PDE4D: variants seen among roughly 807,000 people sequenced by gnomAD.
PDE4D encodes the protein 3',5'-cyclic-AMP phosphodiesterase 4D.
In PDE4D, 24 loss-of-function variants were observed where a neutral mutation model predicts 87.4. That is an observed-to-expected ratio of 0.27 (90% CI 0.20 to 0.39). The LOEUF (loss-of-function observed/expected upper bound fraction) is 0.39, where lower values mean the gene tolerates loss of function less well. Ranked by LOEUF, PDE4D falls within the 10% of genes least tolerant of loss-of-function variation. PDE4D has a pLI of 1.00. For synonymous variants in PDE4D, 384 were observed against 383.2 expected (o/e 1.00, Z -0.02); for missense variants, 714 against 1,041.0 (o/e 0.69, Z 4.32).
intron 1 of PDE4D, among the ~76,000 whole-genome samples, chr5:59,372,037 G>T (rs138176431): frequency 2.0e-5 from 3 of 152,194 alleles, no homozygotes; most frequent in Admixed American, 2.0e-4. Context: ...CAGACTCCAG[G>T]GAAATTTCAT....
chr5:59,214,215 G>A (rs546745931), intron 2 of PDE4D, among the ~76,000 whole-genome samples: 8 of 152,022 alleles, frequency 5.3e-5, no homozygotes, highest in Admixed American at 1.3e-4. Context: ...TAGTGACTTC[G>A]CTATGCAATC....
rs1562203304 is a variant in PDE4D, at chr5:60,192,220, TA to T, written c.-89-6534del. Among the ~76,000 whole-genome samples, 3 of 152,132 alleles carry T rather than the reference TA, an allele frequency of 2.0e-5. No homozygotes were observed. The South Asian group carries it at 6.2e-4, about 31-fold the overall frequency. ...GGGGTATATTCAATCTCACTATTAA[TA>T]AAATGAAAATTAAAATCTCAAGATT... On this transcript the variant is annotated intron_variant, in intron 1 of 16. Coordinates refer to the PDE4D transcript ENST00000502484.
At chr5:60,341,203 A>C (rs1209734230) in intron 1 of PDE4D, among the ~76,000 whole-genome samples, 1 of 152,208 alleles carries the variant, frequency 6.6e-6, no homozygotes, top group East Asian at 1.9e-4. Flanking sequence ...CTAGAGCCAC[A>C]GAGATCATTA....
At chr5:59,682,000 C>G (rs546534052) in intron 1 of PDE4D, among the ~76,000 whole-genome samples, 1 of 152,020 alleles carries the variant, frequency 6.6e-6, no homozygotes, top group African/African-American at 2.4e-5. Context: ...AAAAGGACTG[C>G]ACCAGATGCA....
intron 2 of PDE4D, among the ~76,000 whole-genome samples, chr5:60,116,211 C>T (rs1442161913): frequency 6.6e-6 from 1 of 152,094 alleles, no homozygotes; most frequent in Non-Finnish European, 1.5e-5. Flanking sequence ...ACAGAATCCA[C>T]AGTCTCTCTT....
chr5:59,121,240 C>A (rs1248402692), intron 5 of PDE4D, among the ~76,000 whole-genome samples: 1 of 152,056 alleles, frequency 6.6e-6, no homozygotes, highest in Non-Finnish European at 1.5e-5. Flanking sequence ...CACAGCAAAG[C>A]AAACAATCAA....
chr5:59,118,443 C>T (rs1343225683), intron 5 of PDE4D, among the ~76,000 whole-genome samples: 1 of 152,142 alleles, frequency 6.6e-6, no homozygotes, highest in Non-Finnish European at 1.5e-5. Context: ...GAAGGTACTC[C>T]AATAAATATT....
At chr5:59,160,361 T>C (rs1280129980) in intron 5 of PDE4D, among the ~76,000 whole-genome samples, 1 of 152,174 alleles carries the variant, frequency 6.6e-6, no homozygotes, top group African/African-American at 2.4e-5. Context: ...AACTATCTCT[T>C]CCTTTTTATT....
At chr5:60,127,493 A>G in intron 2 of PDE4D, 1 of 349,950 alleles carries the variant, frequency 2.9e-6, no homozygotes, top group Non-Finnish European at 5.1e-6. Flanking sequence ...CAGCACAGAC[A>G]GGCCGGCCCC....
intron 1 of PDE4D, among the ~76,000 whole-genome samples, chr5:59,344,735 G>T (rs1030686368): frequency 1.3e-5 from 2 of 152,060 alleles, no homozygotes; most frequent in Non-Finnish European, 2.9e-5. Flanking sequence ...TGAAGTATCT[G>T]TCTGGTAATA....
At chr5:59,211,854 G>T (rs1048531118) in intron 2 of PDE4D, among the ~76,000 whole-genome samples, 2 of 151,814 alleles carry the variant, frequency 1.3e-5, no homozygotes, top group Non-Finnish European at 2.9e-5. Context: ...TACTAGGAAG[G>T]GATTATCTTC....
chr5:59,739,732 T>C (rs10472114), intron 1 of PDE4D, among the ~76,000 whole-genome samples: 28,906 of 152,170 alleles, frequency 0.19, 3,305 homozygotes, highest in Middle Eastern at 0.35. Context: ...TTTAACTCTA[T>C]ACATCATATT....
intron 5 of PDE4D, among the ~76,000 whole-genome samples, chr5:59,107,592 G>C (rs1393769190): frequency 6.6e-6 from 1 of 152,082 alleles, no homozygotes; most frequent in East Asian, 1.9e-4. Flanking sequence ...AGGATGAGTA[G>C]GATTTCAGTA....
chr5:59,121,554 A>T (rs1184625349), intron 5 of PDE4D, among the ~76,000 whole-genome samples: 4 of 146,874 alleles, frequency 2.7e-5, no homozygotes, highest in Non-Finnish European at 5.9e-5. Context: ...AATAAAAAAT[A>T]AAAAAAAAAT....
At chr5:59,240,209 T>C (rs1757359527) in intron 1 of PDE4D, among the ~76,000 whole-genome samples, 1 of 152,160 alleles carries the variant, frequency 6.6e-6, no homozygotes, top group Non-Finnish European at 1.5e-5. Context: ...AGTTCTGTTA[T>C]TATTTTGACT....
intron 1 of PDE4D, among the ~76,000 whole-genome samples, chr5:60,351,147 A>G (rs1200177679): frequency 2.6e-5 from 4 of 152,176 alleles, no homozygotes; most frequent in Non-Finnish European, 4.4e-5. Flanking sequence ...TTGTGGCCCT[A>G]GAAAAGAAAG....
At chr5:59,408,179 A>T (rs1792028454) in intron 1 of PDE4D, among the ~76,000 whole-genome samples, 1 of 152,214 alleles carries the variant, frequency 6.6e-6, no homozygotes. Flanking sequence ...TTAGGGGATA[A>T]GCACAGGGCA....
At chr5:59,081,681 T>G (rs1182888707) in intron 5 of PDE4D, among the ~76,000 whole-genome samples, 2 of 152,150 alleles carry the variant, frequency 1.3e-5, no homozygotes, top group African/African-American at 4.8e-5. Context: ...AATTTATATT[T>G]GTCCTATTAT....
intron 1 of PDE4D, among the ~76,000 whole-genome samples, chr5:59,570,312 T>C (rs1009379201): frequency 1.3e-5 from 2 of 152,230 alleles, no homozygotes; most frequent in African/African-American, 2.4e-5. Context: ...CTGAAAGTAT[T>C]AATACATGCA....
Sources: allele counts gnomAD v4.1 joint callset (sites outside exome capture counted in the v4.1 genomes callset), GRCh38; gene constraint gnomAD v4.1.1; transcripts MANE v1.5; gene names NCBI Gene and HGNC (gene_info 2026-07-23, HGNC 2026-07-21).